The following HEXA variants were observed in gnomAD, a reference collection of about 807,000 sequenced individuals.
The protein encoded by HEXA is hexosaminidase subunit alpha.
A neutral mutation model predicts 73.3 loss-of-function variants in HEXA; 54 were observed. That is an observed-to-expected ratio of 0.74 (90% confidence interval 0.59 to 0.92). HEXA has a LOEUF of 0.92. Ranked by LOEUF, HEXA falls within the 40% of genes least tolerant of loss-of-function variation. The pLI, the probability that HEXA is intolerant of heterozygous loss-of-function variation, is 0.00. For missense variants in HEXA, 649 were observed against 653.0 expected (o/e 0.99, Z 0.07); for synonymous variants, 230 against 246.9 (o/e 0.93, Z 0.64).
In HEXA at chr15:72,351,169, T is replaced by C. The variant is rs774842392; in HGVS notation, c.636A>G (p.Pro212=). 4.3e-6 allele frequency: 7 copies of C among 1,612,588 alleles called. No individual in the cohort carries two copies. Among genetic ancestry groups the C allele is most frequent in the Non-Finnish European group, 5.1e-6 (6 of 1,178,600 alleles). ...HWHLVDDPSF[P]YESFTFPELM... is the part of the protein sequence containing the mutation. ...GCTCTGGAAAAGTGAAGCTCTCATATGGGAAGGAAGGATCATCTACCAGAT... is the reference window on the plus strand; with the variant it reads ...GCTCTGGAAAAGTGAAGCTCTCATACGGGAAGGAAGGATCATCTACCAGAT... The change falls in exon 6 of 14, where the codon CCA becomes CCG. Residue 212 remains proline (P), a synonymous_variant. Transcript: ENST00000268097.
chr15:72,343,991 G>A lies in HEXA; in HGVS notation c.*86C>T, dbSNP rs2088579000. 1 of 1,180,924 alleles carries A rather than the reference G, an allele frequency of 8.5e-7. No individual in the cohort carries two copies. Among genetic ancestry groups the A allele is most frequent in the Non-Finnish European group, 1.3e-6 (1 of 789,060 alleles). 73.2% of individuals were successfully genotyped at this position (1,180,924 alleles called of 1,614,324 possible). On this transcript the variant is annotated 3_prime_UTR_variant, in exon 14 of 14. Transcript: ENST00000268097. Reference sequence around the variant, plus strand: ...CGCAGGCAAGGGGCACGAAGGCAAGGGGCTCCGTCCCCTGGCCAGGATGCA... The same window carrying A: ...CGCAGGCAAGGGGCACGAAGGCAAGAGGCTCCGTCCCCTGGCCAGGATGCA...
At chr15:72,372,131 G>A (rs1229140353) in intron 1 of HEXA, among the ~76,000 whole-genome samples, 2 of 152,216 alleles carry the variant, frequency 1.3e-5, no homozygotes, top group African/African-American at 2.4e-5. Flanking sequence ...CCAGGAGTTC[G>A]AGACCAGTCT....
chr15:72,375,920 C>T lies in HEXA; in HGVS notation c.53G>A (p.Gly18Glu), dbSNP rs371133961. ...CCAGGGCCAGAGGGCCGTCGCCCGT[C>T]CTGCGAACGCTGCCGCCAGCAGCAG... is the stretch of plus-strand genomic sequence containing the variant. Reference protein sequence around the residue: ...FSLLLAAAFAGRATALWPWPQ... With the variant: ...FSLLLAAAFAERATALWPWPQ... Residue 18 changes from glycine (G) to glutamate (E), a missense_variant, in exon 1 of 14, where the codon GGA becomes GAA. Physicochemically the swap from Gly to Glu is moderately conservative, Grantham distance 98. Transcript: ENST00000268097. 45 of 1,614,046 alleles carry T rather than the reference C, an allele frequency of 2.8e-5. 1 individual carries two copies. The South Asian group carries it at 3.3e-4, about 12-fold the overall frequency.
At chr15:72,346,019 T>C (rs2088607593) in intron 12 of HEXA, 1 of 600,964 alleles carries the variant, frequency 1.7e-6, no homozygotes, top group Non-Finnish European at 3.0e-6. Context: ...ACAATCCCTA[T>C]CCCACATACC....
In HEXA at chr15:72,347,885, T is replaced by A. The variant is rs2303450; in HGVS notation, c.1074-127A>T. The A allele has an allele frequency of 0.084, 89,262 of 1,062,780 alleles. 5,781 individuals are homozygous for A. Among genetic ancestry groups the A allele is most frequent in the African/African-American group, 0.25 (16,306 of 64,088 alleles). 65.8% of individuals were successfully genotyped at this position (1,062,780 alleles called of 1,614,324 possible). On this transcript the variant is annotated intron_variant, in intron 9 of 13. Coordinates refer to ENST00000268097, the MANE Select transcript of HEXA (RefSeq NM_000520.6). ...TCCTCATTAAGCAGTGTCTTTCCCC[T>A]GGGCTGAAAACCAACCACTCCAAAT... is the stretch of plus-strand genomic sequence containing the variant.
Position 72,343,731 on chromosome 15 carries a change from T to C in HEXA, c.*346A>G, listed in dbSNP as rs2088575781. ...GGTCAGGAGTGGGAGGGGAGTGACA[T>C]AGCTCACAGGCAAGGCAGAACAGCA... On this transcript the variant is annotated 3_prime_UTR_variant, in exon 14 of 14. Transcript: ENST00000268097. 1.2e-5 allele frequency: 4 copies of C among 338,940 alleles called. No homozygotes were observed. The highest frequency in any genetic ancestry group is 3.9e-5 in the Admixed American group (1 of 25,792). The allele number at this position is 338,940 out of a possible 1,614,324, so 21.0% of individuals were successfully genotyped here.
chr15:72,353,695 C>A lies in HEXA; in HGVS notation c.455G>T (p.Gly152Val), dbSNP rs375727994. The part of the protein sequence containing the change: ...FSQLVWKSAE[G>V]TFFINKTEIE... ...TTTTTGAGGGTCCACACTTACTGTGCCCTCAGCAGATTTCCAAACAAGCTG... is the reference window on the plus strand; with the variant it reads ...TTTTTGAGGGTCCACACTTACTGTGACCTCAGCAGATTTCCAAACAAGCTG... Residue 152 changes from glycine to valine, a missense_variant, in exon 4 of 14, where the codon GGC (glycine) becomes GTC (valine). By Grantham distance (109) the Gly-to-Val change is moderately radical. Coordinates refer to ENST00000268097, the MANE Select transcript of HEXA (RefSeq NM_000520.6). 1 of 1,611,538 alleles carries A rather than the reference C, an allele frequency of 6.2e-7. No individual in the cohort carries two copies. Among genetic ancestry groups the A allele is most frequent in the Non-Finnish European group, 8.5e-7 (1 of 1,177,800 alleles).
chr15:72,347,355 T>A (rs943689376), intron 10 of HEXA, among the ~76,000 whole-genome samples: 8 of 150,938 alleles, frequency 5.3e-5, no homozygotes, highest in African/African-American at 1.9e-4. Context: ...CACAGCAACC[T>A]CTGCCTCCTG....
chr15:72,356,671 C>A, intron 1 of HEXA, 54 bp from the exon 2 acceptor site: 3 of 1,610,178 alleles, frequency 1.9e-6, no homozygotes, highest in Non-Finnish European at 1.7e-6. Context: ...AAGCAACAGG[C>A]AAAACCAAGA....
Position 72,345,676 on chromosome 15 carries a change from C to T in HEXA, c.1422-126G>A, listed in dbSNP as rs182291884. On this transcript the variant is annotated intron_variant, in intron 12 of 13. Coordinates refer to ENST00000268097, the MANE Select transcript of HEXA (RefSeq NM_000520.6). ...CTCAGGCCAAAGGAAGTGATCAATA[C>T]CTTGTTATGAGCCACAGCCAGGTTG... 10 of 1,506,406 alleles carry T rather than the reference C, an allele frequency of 6.6e-6. No individual in the cohort carries two copies. In the East Asian group the frequency reaches 9.8e-5, roughly 15 times the overall value. 93.3% of individuals were successfully genotyped at this position (1,506,406 alleles called of 1,614,324 possible).
Position 72,349,229 on chromosome 15 carries a change from G to C in HEXA, c.836C>G (p.Ser279Cys), listed in dbSNP as rs148199798. 1.4e-4 allele frequency: 220 copies of C among 1,614,004 alleles called. No individual in the cohort carries two copies. Among genetic ancestry groups the C allele is most frequent in the Non-Finnish European group, 1.8e-4 (209 of 1,180,006 alleles). ...GIPGLLTPCYSGSEPSGTFGP... is the reference protein window; with the variant it reads ...GIPGLLTPCYCGSEPSGTFGP... ...AAAGGTGCCAGAGGGCTCAGACCCA[G>C]AGTAGCAAGGAGTCAGTAATCCAGG... The change falls in exon 8 of 14, where the codon TCT becomes TGT. Residue 279 changes from serine to cysteine, a missense_variant. By Grantham distance (112) the Ser-to-Cys change is moderately radical. Transcript: ENST00000268097.
intron 1 of HEXA, among the ~76,000 whole-genome samples, chr15:72,367,338 T>G (rs1595810822): frequency 6.6e-6 from 1 of 152,288 alleles, no homozygotes; most frequent in Admixed American, 6.5e-5. Flanking sequence ...TTCAAACTGC[T>G]AAGTCAGAAA....
At chr15:72,362,994 T>C (rs575561237) in intron 1 of HEXA, among the ~76,000 whole-genome samples, 18 of 152,292 alleles carry the variant, frequency 1.2e-4, no homozygotes, top group African/African-American at 4.3e-4. Flanking sequence ...TCCCACTCTT[T>C]AATGTCTACT....
intron 1 of HEXA, chr15:72,370,749 G>C (rs1306479756): frequency 2.5e-6 from 1 of 394,638 alleles, no homozygotes; most frequent in Admixed American, 4.4e-5. Flanking sequence ...TGAGAAGAGA[G>C]GCTGGTGGAA....
intron 4 of HEXA, 139 bp from the exon 5 acceptor site, chr15:72,353,317 C>T: frequency 1.4e-6 from 1 of 704,378 alleles, no homozygotes. Flanking sequence ...CCTAAATGCT[C>T]CCCACCTCTA....
rs1448924537 is a variant in HEXA at position 72,341,731 on chromosome 15, C to A, written c.*2346G>T. ...GAACAGACTGGGTGGTAACTGCAGGCCACTGCAGTTGACCTGTTGGCATTC... is the reference window on the plus strand; with the variant it reads ...GAACAGACTGGGTGGTAACTGCAGGACACTGCAGTTGACCTGTTGGCATTC... On this transcript the variant is annotated 3_prime_UTR_variant, in exon 14 of 14. Coordinates refer to ENST00000268097, the MANE Select transcript of HEXA (RefSeq NM_000520.6). 1 of 152,130 alleles carries A rather than the reference C, an allele frequency of 6.6e-6. No individual in the cohort carries two copies. The allele number at this position is 152,130 out of a possible 1,614,324, so 9.4% of individuals were successfully genotyped here.
rs2088576101 is a variant in HEXA at position 72,343,752 on chromosome 15, C to T, written c.*325G>A. The T allele has an allele frequency of 2.8e-6, 1 of 363,528 alleles. No individual in the cohort carries two copies. The highest frequency in any genetic ancestry group is 2.3e-5 in the South Asian group (1 of 43,454). The allele number at this position is 363,528 out of a possible 1,614,324, so 22.5% of individuals were successfully genotyped here. A position where few individuals can be genotyped will look rare whatever the true frequency, so the allele number is the denominator to read the frequency against. On this transcript the variant is annotated 3_prime_UTR_variant, in exon 14 of 14. Coordinates refer to ENST00000268097, the MANE Select transcript of HEXA (RefSeq NM_000520.6). ...GACATAGCTCACAGGCAAGGCAGAA[C>T]AGCACAAAGGCTATAGGTTTCATTC...
intron 6 of HEXA, 195 bp downstream of exon 6, chr15:72,350,938 C>A: frequency 1.5e-6 from 1 of 649,524 alleles, no homozygotes; most frequent in Non-Finnish European, 2.8e-6. Context: ...AGATTCTCTC[C>A]TGAAGGTCAC....
At position 72,342,301 on chromosome 15, in the gene HEXA, C is replaced by T. The variant is rs1193094423; in HGVS notation, c.*1776G>A. 1 of 152,176 alleles carries T rather than the reference C, an allele frequency of 6.6e-6. No individual in the cohort carries two copies. The highest frequency in any genetic ancestry group is 2.4e-5 in the African/African-American group (1 of 41,420). The allele number at this position is 152,176 out of a possible 1,614,324, so 9.4% of individuals were successfully genotyped here. A position where few individuals can be genotyped will look rare whatever the true frequency, so the allele number is the denominator to read the frequency against. ...AGCACAAGGCTAGGCTTGTCTACCT[C>T]CCACCAGGACCTCGAAGGAACATGA... On this transcript the variant is annotated 3_prime_UTR_variant, in exon 14 of 14. Transcript: ENST00000268097.
Sources: gnomAD v4.1 joint callset for allele counts (sites outside exome capture counted in the v4.1 genomes callset) on GRCh38, gnomAD v4.1.1 for gene constraint, MANE v1.5 for transcripts, NCBI Gene and HGNC (gene_info 2026-07-23, HGNC 2026-07-21) for gene names.